Variants in UBE2L3 observed in about 807,000 individuals in gnomAD.
UBE2L3 encodes the protein ubiquitin-conjugating enzyme E2 L3.
Under a neutral mutation model 17.8 loss-of-function variants are expected in UBE2L3, and 1 was observed. The observed-to-expected ratio is 0.06, with a 90% CI of 0.02 to 0.27. The LOEUF is 0.27. Among genes scored for constraint, UBE2L3 ranks in the 10% least tolerant of loss-of-function variants. The pLI is 1.00. For synonymous variants in UBE2L3, 44 were observed against 68.5 expected (o/e 0.64, Z 1.76); for missense variants, 40 against 192.6 (o/e 0.21, Z 4.69).
At chr22:21,564,116 G>T (rs183603061), upstream of UBE2L3, among the ~76,000 whole-genome samples, 2 of 150,018 alleles carry the variant, frequency 1.3e-5, no homozygotes, top group Admixed American at 1.3e-4. Flanking sequence ...GCTCACTGTA[G>T]TGTCACTCTC....
chr22:21,576,392 G>C (rs924289018), intron 1 of UBE2L3, among the ~76,000 whole-genome samples: 1 of 151,630 alleles, frequency 6.6e-6, no homozygotes, highest in Non-Finnish European at 1.5e-5. Context: ...CCACCTCCCA[G>C]GTTCACGCCA....
At chr22:21,558,149 C>T (rs1278624453) in intron 1 of UBE2L3, among the ~76,000 whole-genome samples, 13 of 150,812 alleles carry the variant, frequency 8.6e-5, no homozygotes, top group Non-Finnish European at 1.8e-4. Flanking sequence ...CATCCTTCTC[C>T]TGCCGGCATG....
At chr22:21,569,172 G>A (rs1926819527) in intron 1 of UBE2L3, among the ~76,000 whole-genome samples, 1 of 151,910 alleles carries the variant, frequency 6.6e-6, no homozygotes, top group Non-Finnish European at 1.5e-5. Flanking sequence ...GAGGCGGGCG[G>A]ATCACTTGAG....
chr22:21,600,210 G>A (rs1928780190), intron 2 of UBE2L3, among the ~76,000 whole-genome samples: 1 of 152,108 alleles, frequency 6.6e-6, no homozygotes, highest in Admixed American at 6.5e-5. Context: ...CAATTTGGGA[G>A]GCTCAGCCAG....
At chr22:21,618,588 T>C (rs987603276) in intron 3 of UBE2L3, among the ~76,000 whole-genome samples, 28 of 150,794 alleles carry the variant, frequency 1.9e-4, no homozygotes, top group African/African-American at 4.9e-4. Context: ...AAAATATATA[T>C]ATATATTATT....
intron 2 of UBE2L3, among the ~76,000 whole-genome samples, chr22:21,597,781 T>G (rs1928620396): frequency 1.2e-5 from 1 of 82,664 alleles, no homozygotes; most frequent in African/African-American, 5.2e-5. Context: ...GTAGATTTTT[T>G]TTTTTTTTTT....
chr22:21,588,534 A>G (rs2148418310), intron 1 of UBE2L3, among the ~76,000 whole-genome samples: 1 of 144,524 alleles, frequency 6.9e-6, no homozygotes, highest in South Asian at 2.2e-4. Flanking sequence ...AGTGGTTGTA[A>G]TCTTGACTCA....
Position 21,572,437 on chromosome 22 carries a change from A to AG in UBE2L3, c.27+4666_27+4667insG, listed in dbSNP as rs1555883759. Among the ~76,000 whole-genome samples, 246 of 151,268 alleles carry AG rather than the reference A, an allele frequency of 1.6e-3. 1 individual carries two copies. The highest frequency in any genetic ancestry group is 2.8e-3 in the Non-Finnish European group (189 of 67,790). On this transcript the variant is annotated intron_variant, in intron 1 of 3. Coordinates refer to ENST00000342192, the MANE Select transcript of UBE2L3 (RefSeq NM_003347.4). ...GACTCCGTCTCAAAAAAAAAAAAAA[A>AG]AAAAGAAAACCCTGAGACAAAAACT...
chr22:21,619,403 T>G (rs191116046), intron 3 of UBE2L3, among the ~76,000 whole-genome samples: 5 of 152,140 alleles, frequency 3.3e-5, no homozygotes, highest in African/African-American at 4.8e-5. Context: ...TTGCCCCTGC[T>G]TGCTGTTCAC....
upstream of UBE2L3, among the ~76,000 whole-genome samples, chr22:21,567,165 C>CA (rs1555883244): frequency 7.4e-5 from 11 of 147,912 alleles, no homozygotes; most frequent in African/African-American, 2.5e-4. Flanking sequence ...GGTTATTCAA[C>CA]TTTTTTTTTT....
upstream of UBE2L3, among the ~76,000 whole-genome samples, chr22:21,562,901 G>T (rs131654): frequency 0.75 from 113,000 of 151,628 alleles, 43,429 homozygotes; most frequent in African/African-American, 0.94. Context: ...GTGGTCAATG[G>T]GAGCAGAAGG....
Position 21,590,613 on chromosome 22 carries a change from T to G in UBE2L3, c.28-2248T>G, listed in dbSNP as rs932024323. Among the ~76,000 whole-genome samples, 59 of 152,364 alleles carry G rather than the reference T, an allele frequency of 3.9e-4. 2 individuals are homozygous for G. The highest frequency in any genetic ancestry group is 1.4e-3 in the African/African-American group (58 of 41,576). ...TGTTAGATATCTTCACTGTTGTTTC[T>G]TCTTTTTTTAGTTGTCTAGTTTCAA... On this transcript the variant is annotated intron_variant, in intron 1 of 3. Transcript: ENST00000342192.
At chr22:21,585,064 A>G (rs1014120807) in intron 1 of UBE2L3, among the ~76,000 whole-genome samples, 2 of 152,250 alleles carry the variant, frequency 1.3e-5, no homozygotes, top group African/African-American at 4.8e-5. Context: ...TGTCATCTTC[A>G]CATTTCTTTA....
intron 1 of UBE2L3, among the ~76,000 whole-genome samples, chr22:21,578,730 G>T (rs1466321990): frequency 2.6e-5 from 4 of 152,172 alleles, no homozygotes; most frequent in Non-Finnish European, 5.9e-5. Context: ...GTTGTGGGCA[G>T]TGCGTTCCTC....
At chr22:21,568,105 G>T in intron 1 of UBE2L3, 1 of 1,120,824 alleles carries the variant, frequency 8.9e-7, no homozygotes. Context: ...GAGCCCGGTT[G>T]GGAGGCTCCA....
intron 1 of UBE2L3, among the ~76,000 whole-genome samples, chr22:21,573,168 G>C (rs1002971575): frequency 6.6e-6 from 1 of 152,202 alleles, no homozygotes; most frequent in Non-Finnish European, 1.5e-5. Flanking sequence ...GTGGTGTGCA[G>C]TAGAGAAGTG....
chr22:21,565,531 C>A (rs1225812971), upstream of UBE2L3, among the ~76,000 whole-genome samples: 1 of 151,134 alleles, frequency 6.6e-6, no homozygotes, highest in Non-Finnish European at 1.5e-5. Context: ...GTGGGTGGAT[C>A]ACTTGAGGTC....
At chr22:21,584,199 A>G (rs1927808633) in intron 1 of UBE2L3, among the ~76,000 whole-genome samples, 1 of 126,178 alleles carries the variant, frequency 7.9e-6, no homozygotes. Flanking sequence ...TTTTTTTGAG[A>G]CAGAGTCTCG....
intron 1 of UBE2L3, among the ~76,000 whole-genome samples, chr22:21,560,640 G>C (rs1236151218): frequency 6.6e-6 from 1 of 150,750 alleles, no homozygotes; most frequent in Non-Finnish European, 1.5e-5. Flanking sequence ...TAGCAGAGAC[G>C]AGGTTTCACC....
Sources: gnomAD v4.1 joint callset for allele counts (sites outside exome capture counted in the v4.1 genomes callset) on GRCh38, gnomAD v4.1.1 for gene constraint, MANE v1.5 for transcripts, NCBI Gene and HGNC (gene_info 2026-07-23, HGNC 2026-07-21) for gene names.